The following RPL5 variants were observed in gnomAD, a reference collection of about 807,000 sequenced individuals.
RPL5 encodes the protein ribosomal protein L5.
RPL5 carries 1 observed loss-of-function variant against 38.4 expected under a neutral mutation model. That is an observed-to-expected ratio of 0.03 (90% CI 0.01 to 0.12). The LOEUF is 0.12. Ranked by LOEUF, RPL5 falls within the 10% of genes least tolerant of loss-of-function variation. The pLI, the probability that RPL5 is intolerant of heterozygous loss-of-function variation, is 1.00. For missense variants in RPL5, 243 were observed against 374.1 expected (o/e 0.65, Z 2.89); for synonymous variants, 109 against 121.2 (o/e 0.90, Z 0.66).
intron 5 of RPL5, 109 bp downstream of exon 5, chr1:92,836,501 GCTGTATGCCTA>G: frequency 1.0e-6 from 1 of 968,116 alleles, no homozygotes; most frequent in Non-Finnish European, 1.6e-6. Flanking sequence ...TTGAATGCCT[GCTGTATGCCTA>G]GGTACCATGC....
At chr1:92,835,133 A>T (rs987780520) in intron 4 of RPL5, 3 of 614,512 alleles carry the variant, frequency 4.9e-6, no homozygotes, top group Non-Finnish European at 8.6e-6. Context: ...TGGTTTTGCC[A>T]CTAGCGACCT....
chr1:92,833,748 G>T (rs778887807), intron 3 of RPL5, 88 bp downstream of exon 3: 254 of 1,032,420 alleles, frequency 2.5e-4, no homozygotes, highest in Non-Finnish European at 3.0e-4. Context: ...TGTTAGAAGG[G>T]CTGTCTAGCA....
chr1:92,837,382 G>A, intron 5 of RPL5, 74 bp from the exon 6 acceptor site: 1 of 1,272,556 alleles, frequency 7.9e-7, no homozygotes, highest in Non-Finnish European at 1.2e-6. Context: ...ACTGATGGCA[G>A]CTACTAAAGT....
Position 92,841,896 on chromosome 1 carries a change from A to G in RPL5, c.*31A>G. ...GCAATTTTCTATGATTTTTTCAGAT[A>G]TAGATAATAAACTTATGAACAGCAA... On this transcript the variant is annotated 3_prime_UTR_variant, in exon 8 of 8. Coordinates refer to ENST00000370321, the MANE Select transcript of RPL5 (RefSeq NM_000969.5). 1.3e-6 allele frequency: 2 copies of G among 1,523,214 alleles called. No individual in the cohort carries two copies. Among genetic ancestry groups the G allele is most frequent in the Non-Finnish European group, 1.8e-6 (2 of 1,099,762 alleles). 94.4% of individuals were successfully genotyped at this position (1,523,214 alleles called of 1,614,324 possible).
At chr1:92,832,378 C>G in intron 1 of RPL5, 1 of 613,788 alleles carries the variant, frequency 1.6e-6, no homozygotes. Flanking sequence ...TAGTAGACAG[C>G]CTGAGTGCGG....
rs763783145 is a variant in RPL5, at chr1:92,834,771, T to C, written c.190-8T>C. ...CAGATTACTAACCTAGTTTCTCTCT[T>C]ACTATAGATTGCTTATGCCCGTATA... On this transcript the variant is annotated splice_region_variant and splice_polypyrimidine_tract_variant and intron_variant, in intron 3 of 7. Coordinates refer to ENST00000370321, the MANE Select transcript of RPL5 (RefSeq NM_000969.5). 26 of 1,612,726 alleles carry C rather than the reference T, an allele frequency of 1.6e-5. No homozygotes were observed. In the South Asian group the frequency reaches 2.9e-4, roughly 18 times the overall value.
rs977608181 is a variant in RPL5 at position 92,832,365 on chromosome 1, G to A, written c.3+248G>A. ...GACGGCGGATTGGGGAGAAGGGTGA[G>A]TTTAGTAGACAGCCTGAGTGCGGAT... is the stretch of plus-strand genomic sequence containing the variant. On this transcript the variant is annotated intron_variant, in intron 1 of 7. Coordinates refer to ENST00000370321, the MANE Select transcript of RPL5 (RefSeq NM_000969.5). 7.8e-5 allele frequency: 50 copies of A among 639,562 alleles called. No individual in the cohort carries two copies. The East Asian group carries it at 1.4e-3, about 18-fold the overall frequency. The allele number at this position is 639,562 out of a possible 1,614,324, so 39.6% of individuals were successfully genotyped here.
chr1:92,839,920 A>AAT (rs1213468020), intron 6 of RPL5, among the ~76,000 whole-genome samples: 5 of 151,776 alleles, frequency 3.3e-5, no homozygotes, highest in Admixed American at 6.6e-5. Context: ...AGCTCATTGC[A>AAT]ACTTCAGACT....
chr1:92,836,080 A>T, intron 4 of RPL5, 110 bp from the exon 5 acceptor site: 1 of 1,004,700 alleles, frequency 1.0e-6, no homozygotes, highest in East Asian at 2.4e-5. Flanking sequence ...GTGTGGAAGG[A>T]AATTTTCTTT....
chr1:92,838,520 T>C (rs959891571), intron 6 of RPL5, among the ~76,000 whole-genome samples: 7 of 152,244 alleles, frequency 4.6e-5, no homozygotes, highest in African/African-American at 1.7e-4. Flanking sequence ...CCTAATGCTT[T>C]CCTGTATATG....
chr1:92,835,396 T>C lies in RPL5; in HGVS notation c.324+483T>C, dbSNP rs1395855008. 9 of 209,968 alleles carry C rather than the reference T, an allele frequency of 4.3e-5. No homozygotes were observed. The East Asian group carries it at 4.7e-4, about 11-fold the overall frequency. 13.0% of individuals were successfully genotyped at this position (209,968 alleles called of 1,614,324 possible). A position where few individuals can be genotyped will look rare whatever the true frequency, so the allele number is the denominator to read the frequency against. On this transcript the variant is annotated intron_variant, in intron 4 of 7. Transcript: ENST00000370321. ...GGCTAGGCGCGGTGGCTCACACTTA[T>C]AATCCCAGCACTTTGGGAGGCCGAG...
At position 92,840,658 on chromosome 1, in the gene RPL5, T is replaced by G; in HGVS notation, c.794+19T>G. ...AGAAGAGGTATGTCGTCTTTTTTTT[T>G]GTCTTTTCAAGAAAACAGGTTGGGA... On this transcript the variant is annotated intron_variant, in intron 7 of 7. Transcript: ENST00000370321. 1 of 1,586,082 alleles carries G rather than the reference T, an allele frequency of 6.3e-7. No individual in the cohort carries two copies. The highest frequency in any genetic ancestry group is 8.6e-7 in the Non-Finnish European group (1 of 1,163,940).
intron 1 of RPL5, chr1:92,833,018 A>C: frequency 1.3e-6 from 1 of 742,136 alleles, no homozygotes; most frequent in East Asian, 2.5e-5. Context: ...AGTTTGGCAC[A>C]ATTACCGGTG....
At chr1:92,839,877 G>GT (rs1557443525) in intron 6 of RPL5, among the ~76,000 whole-genome samples, 1 of 151,350 alleles carries the variant, frequency 6.6e-6, no homozygotes, top group African/African-American at 2.4e-5. Flanking sequence ...ATCTTGTTCT[G>GT]TTTCCTGGGC....
rs538222041 is a variant in RPL5 at position 92,832,920 on chromosome 1, G to A, written c.4-469G>A. 42 of 680,208 alleles carry A rather than the reference G, an allele frequency of 6.2e-5. No homozygotes were observed. In the African/African-American group the frequency reaches 6.8e-4, roughly 11 times the overall value. 42.1% of individuals were successfully genotyped at this position (680,208 alleles called of 1,614,324 possible). On this transcript the variant is annotated intron_variant, in intron 1 of 7. Coordinates refer to ENST00000370321, the MANE Select transcript of RPL5 (RefSeq NM_000969.5). ...AGAGAGGTACGTAGTTGTTATTTGAGGCTAGGTTTTCGAAGTGGGACATAG... is the reference window on the plus strand; with the variant it reads ...AGAGAGGTACGTAGTTGTTATTTGAAGCTAGGTTTTCGAAGTGGGACATAG...
chr1:92,832,385 G>C (rs574203674), intron 1 of RPL5: 6 of 604,976 alleles, frequency 9.9e-6, no homozygotes, highest in Non-Finnish European at 1.8e-5. Context: ...CAGCCTGAGT[G>C]CGGATACTGC....
chr1:92,834,313 C>A (rs968719275), intron 3 of RPL5, among the ~76,000 whole-genome samples: 1 of 152,202 alleles, frequency 6.6e-6, no homozygotes, highest in African/African-American at 2.4e-5. Flanking sequence ...GTGGCTCCCG[C>A]ATGAAAGACC....
In RPL5 at chr1:92,833,127, G is replaced by T. The variant is rs944013709; in HGVS notation, c.4-262G>T. The T allele has an allele frequency of 1.0e-5, 7 of 674,504 alleles. No homozygotes were observed. The East Asian group carries it at 1.9e-4, about 18-fold the overall frequency. The allele number at this position is 674,504 out of a possible 1,614,324, so 41.8% of individuals were successfully genotyped here. ...ATACCTGTTAAATGTAATAAATTGG[G>T]GCCTGCATTTTGTATGTTTCTTTTA... is the stretch of plus-strand genomic sequence containing the variant. On this transcript the variant is annotated intron_variant, in intron 1 of 7. Coordinates refer to ENST00000370321, the MANE Select transcript of RPL5 (RefSeq NM_000969.5).
At chr1:92,835,308 G>T in intron 4 of RPL5, 1 of 312,396 alleles carries the variant, frequency 3.2e-6, no homozygotes, top group Non-Finnish European at 6.2e-6. Flanking sequence ...TAGACCTTCT[G>T]GAATCTGTAT....
Sources: gnomAD v4.1 joint callset for allele counts (sites outside exome capture counted in the v4.1 genomes callset) on GRCh38, gnomAD v4.1.1 for gene constraint, MANE v1.5 for transcripts, NCBI Gene and HGNC (gene_info 2026-07-23, HGNC 2026-07-21) for gene names.